BCL11A: variants seen among roughly 807,000 people sequenced by gnomAD.
BCL11A encodes the protein B cell CLL/lymphoma 11A.
Under a neutral mutation model 55.9 loss-of-function variants are expected in BCL11A, and 2 were observed. The ratio of observed to expected loss-of-function variants is 0.04; its 90% CI spans 0.01 to 0.11. The LOEUF (loss-of-function observed/expected upper bound fraction) is 0.11, where lower values mean the gene tolerates loss of function less well. Among genes scored for constraint, BCL11A ranks in the 10% least tolerant of loss-of-function variants. BCL11A has a pLI of 1.00. For missense variants in BCL11A, 817 were observed against 1,137.1 expected (o/e 0.72, Z 4.05); for synonymous variants, 465 against 473.4 (o/e 0.98, Z 0.23).
At chr2:60,552,451 G>A (rs980146784) in intron 1 of BCL11A, among the ~76,000 whole-genome samples, 5 of 151,906 alleles carry the variant, frequency 3.3e-5, no homozygotes, top group African/African-American at 7.3e-5. Context: ...GGCGCGGGAG[G>A]GCAAGCGCGA....
chr2:60,467,992 A>ATGGTACTGGTGGTG (rs1676941175), intron 3 of BCL11A, among the ~76,000 whole-genome samples: 1 of 3,348 alleles, frequency 3.0e-4, no homozygotes, highest in Admixed American at 3.4e-3. Flanking sequence ...TGGTGGTGGT[A>ATGGTACTGGTGGTG]ATGGTGGTGG....
At position 60,474,640 on chromosome 2, in the gene BCL11A, T is replaced by TTTTTTTTGTTTGTTTA. The variant is rs1329568673; in HGVS notation, c.386-5808_386-5807insTAAACAAACAAAAAAA. Among the ~76,000 whole-genome samples the TTTTTTTTGTTTGTTTA allele has an allele frequency of 3.3e-5, 5 of 152,366 alleles. No individual in the cohort carries two copies. In the East Asian group the frequency reaches 9.6e-4, roughly 29 times the overall value. On this transcript the variant is annotated intron_variant, in intron 2 of 3. Transcript: ENST00000642384. ...AGCTGCATAAAAAGACAAATTGTCT[T>TTTTTTTTGTTTGTTTA]AGGACAATTTTTTTTTGTTTGTTTA...
downstream of BCL11A, chr2:60,452,398 T>A: frequency 1.8e-6 from 1 of 548,554 alleles, no homozygotes; most frequent in Admixed American, 3.1e-5. Flanking sequence ...TATTAAAAAA[T>A]ATAAATAAAA....
In BCL11A at chr2:60,468,790, T is replaced by G; in HGVS notation, c.429A>C (p.Ala143=). 1 of 1,607,806 alleles carries G rather than the reference T, an allele frequency of 6.2e-7. No individual in the cohort carries two copies. The highest frequency in any genetic ancestry group is 8.5e-7 in the Non-Finnish European group (1 of 1,178,526). Residue 143 remains alanine (A), a synonymous_variant, in exon 3 of 4, where the codon GCA becomes GCC. Coordinates refer to ENST00000642384, the MANE Select transcript of BCL11A (RefSeq NM_022893.4). ...CAGGCGTGGGGATTAGAGCTCCATG[T>G]GCAGAACGAGGGGAGGAGAGGCCCC... The part of the protein sequence containing the change: ...HWRGLSSPRS[A]HGALIPTPGM...
intron 2 of BCL11A, among the ~76,000 whole-genome samples, chr2:60,510,671 C>T (rs142027892): frequency 9.0e-4 from 137 of 152,276 alleles, no homozygotes; most frequent in African/African-American, 3.2e-3. Flanking sequence ...AGAACCGTTC[C>T]CAGCATGTGG....
rs544253263 is a variant in BCL11A at position 60,460,920 on chromosome 2, C to A, written c.1992G>T (p.Ala664=). The part of the protein sequence containing the change: ...NVYSQWLAGY[A]ASRQLKDPFL... ...AGGGATCTTTGAGCTGCCTGGAGGC[C>A]GCGTAGCCGGCGAGCCACTGCGAGT... The change falls in exon 4 of 4, where the codon GCG becomes GCT. Residue 664 remains alanine, a synonymous_variant. Coordinates refer to ENST00000642384, the MANE Select transcript of BCL11A (RefSeq NM_022893.4). The A allele has an allele frequency of 6.8e-6, 11 of 1,612,760 alleles. No homozygotes were observed. The South Asian group carries it at 1.2e-4, about 18-fold the overall frequency.
intron 2 of BCL11A, chr2:60,545,478 C>T (rs573376796): frequency 5.0e-5 from 8 of 158,734 alleles, no homozygotes; most frequent in African/African-American, 1.9e-4. Flanking sequence ...CTCCAACTAC[C>T]CTGCCAGCCC....
chr2:60,513,745 G>C (rs904343164), intron 2 of BCL11A, among the ~76,000 whole-genome samples: 1 of 152,210 alleles, frequency 6.6e-6, no homozygotes, highest in Non-Finnish European at 1.5e-5. Flanking sequence ...TGGGAAAATA[G>C]AACTGAGTCC....
At chr2:60,494,000 G>A (rs978676001) in intron 2 of BCL11A, among the ~76,000 whole-genome samples, 2 of 152,164 alleles carry the variant, frequency 1.3e-5, no homozygotes, top group Non-Finnish European at 2.9e-5. Context: ...GAAGGTACGG[G>A]GAGTGGAGGG....
chr2:60,490,785 T>A (rs1171304258), intron 2 of BCL11A, among the ~76,000 whole-genome samples: 1 of 152,242 alleles, frequency 6.6e-6, no homozygotes, highest in Non-Finnish European at 1.5e-5. Context: ...GATATTCATA[T>A]ATTCTAGGAA....
At position 60,521,620 on chromosome 2, in the gene BCL11A, T is replaced by C. The variant is rs143310912; in HGVS notation, c.385+24351A>G. ...TCCATCTTGTGCCCCAGTCCTCCCT[T>C]AAAGGGAAGGCTGCTTAACCCTTGA... On this transcript the variant is annotated intron_variant, in intron 2 of 3. Transcript: ENST00000642384. Among the ~76,000 whole-genome samples, 24 of 152,318 alleles carry C rather than the reference T, an allele frequency of 1.6e-4. No individual in the cohort carries two copies. In the East Asian group the frequency reaches 4.6e-3, roughly 29 times the overall value.
chr2:60,519,477 G>A (rs1668876449), intron 2 of BCL11A, among the ~76,000 whole-genome samples: 1 of 152,188 alleles, frequency 6.6e-6, no homozygotes, highest in South Asian at 2.1e-4. Flanking sequence ...AGAGATGGGT[G>A]TGGAACATCG....
chr2:60,549,221 ATC>A (rs1558525009), intron 1 of BCL11A, among the ~76,000 whole-genome samples: 1 of 152,216 alleles, frequency 6.6e-6, no homozygotes, highest in Non-Finnish European at 1.5e-5. Flanking sequence ...ACAGACTGAG[ATC>A]TCTTTCCTCT....
chr2:60,461,558 T>G lies in BCL11A; in HGVS notation c.1354A>C (p.Thr452Pro), dbSNP rs1572951670. The G allele has an allele frequency of 6.2e-7, 1 of 1,611,564 alleles. No individual in the cohort carries two copies. Among genetic ancestry groups the G allele is most frequent in the South Asian group, 1.1e-5 (1 of 91,086 alleles). Residue 452 changes from threonine to proline, a missense_variant, in exon 4 of 4, where the codon ACC (threonine) becomes CCC (proline). Coordinates refer to ENST00000642384, the MANE Select transcript of BCL11A (RefSeq NM_022893.4). Reference protein sequence around the residue: ...LSTASSPEPGTSDLVGSASSA... With the variant: ...LSTASSPEPGPSDLVGSASSA... ...CTGGCGCTGCCCACCAAGTCGCTGG[T>G]GCCGGGTTCCGGGGAGCTGGCGGTG... is the stretch of plus-strand genomic sequence containing the variant.
intron 2 of BCL11A, among the ~76,000 whole-genome samples, chr2:60,479,767 CT>C (rs1274283878): frequency 6.6e-6 from 1 of 152,188 alleles, no homozygotes; most frequent in Non-Finnish European, 1.5e-5. Context: ...TTTAAAGAGG[CT>C]TATTACATGG....
intron 2 of BCL11A, among the ~76,000 whole-genome samples, chr2:60,519,741 G>A (rs1265776200): frequency 2.6e-5 from 4 of 152,154 alleles, no homozygotes; most frequent in Non-Finnish European, 5.9e-5. Flanking sequence ...ACTGGTTTAG[G>A]AATTCACGTG....
Position 60,457,991 on chromosome 2 carries a change from T to C in BCL11A, c.*2413A>G, listed in dbSNP as rs1676027420. The stretch of plus-strand genomic sequence containing the variant: ...TGAAGCATACAAATAATTTGCACTA[T>C]ATTATCCTGCCAAATTAAAAAAATA... On this transcript the variant is annotated 3_prime_UTR_variant, in exon 4 of 4. Transcript: ENST00000642384. The C allele has an allele frequency of 9.7e-7, 1 of 1,034,554 alleles. No individual in the cohort carries two copies. Among genetic ancestry groups the C allele is most frequent in the South Asian group, 4.6e-5 (1 of 21,692 alleles). 64.1% of individuals were successfully genotyped at this position (1,034,554 alleles called of 1,614,324 possible). A position where few individuals can be genotyped will look rare whatever the true frequency, so the allele number is the denominator to read the frequency against.
intron 2 of BCL11A, among the ~76,000 whole-genome samples, chr2:60,481,071 C>A (rs891538453): frequency 2.0e-5 from 3 of 152,188 alleles, no homozygotes; most frequent in Non-Finnish European, 4.4e-5. Context: ...CCTGCAGCCA[C>A]CCACACCTTG....
At position 60,491,181 on chromosome 2, in the gene BCL11A, C is replaced by A. The variant is rs1051769743; in HGVS notation, c.386-22348G>T. ...TCTATAGCTGACTTTCAACCATGGTCATCTGCAAAGAAGTTAGTCTCAGCC... is the reference window on the plus strand; with the variant it reads ...TCTATAGCTGACTTTCAACCATGGTAATCTGCAAAGAAGTTAGTCTCAGCC... On this transcript the variant is annotated intron_variant, in intron 2 of 3. Coordinates refer to ENST00000642384, the MANE Select transcript of BCL11A (RefSeq NM_022893.4). Among the ~76,000 whole-genome samples, 5 of 152,204 alleles carry A rather than the reference C, an allele frequency of 3.3e-5. No homozygotes were observed. In the South Asian group the frequency reaches 8.3e-4, roughly 25 times the overall value.
Sources: allele counts gnomAD v4.1 joint callset (sites outside exome capture counted in the v4.1 genomes callset), GRCh38; gene constraint gnomAD v4.1.1; transcripts MANE v1.5; gene names NCBI Gene and HGNC (gene_info 2026-07-23, HGNC 2026-07-21).